Variants in SLC2A9 observed in about 807,000 individuals in gnomAD.
SLC2A9 encodes solute carrier family 2 member 9, also known as solute carrier family 2, facilitated glucose transporter member 9.
SLC2A9 carries 39 observed loss-of-function variants against 50.6 expected under a neutral mutation model. The ratio of observed to expected loss-of-function variants is 0.77; its 90% confidence interval spans 0.60 to 1.01. The LOEUF (loss-of-function observed/expected upper bound fraction) is 1.01, where lower values mean the gene tolerates loss of function less well. SLC2A9 is among the 50% of genes least tolerant of loss of function. SLC2A9 has a pLI of 0.00. For synonymous variants in SLC2A9, 324 were observed against 276.9 expected, an observed-to-expected ratio of 1.17 and a Z score of -1.69; for missense variants, 686 against 677.6, an observed-to-expected ratio of 1.01 and a Z score of -0.14.
intron 3 of SLC2A9, among the ~76,000 whole-genome samples, chr4:9,988,788 TGAG>T (rs1233531303): frequency 6.6e-6 from 1 of 152,098 alleles, no homozygotes; most frequent in Admixed American, 6.5e-5. Context: ...GGTAGGGTGA[TGAG>T]GAGATTGGAG....
intron 3 of SLC2A9, among the ~76,000 whole-genome samples, chr4:9,806,670 G>A (rs1722157227): frequency 6.6e-6 from 1 of 152,208 alleles, no homozygotes; most frequent in Non-Finnish European, 1.5e-5. Context: ...AAGGCTGTGT[G>A]CATGGGGGGT....
chr4:9,942,145 C>G, intron 5 of SLC2A9, 100 bp from the exon 6 acceptor site: 1 of 1,425,860 alleles, frequency 7.0e-7, no homozygotes, highest in Non-Finnish European at 9.8e-7. Context: ...AGAAGGTCTT[C>G]CTGCCCAGCA....
chr4:9,944,713 C>T (rs71603976), intron 5 of SLC2A9, among the ~76,000 whole-genome samples: 2,189 of 152,312 alleles, frequency 0.014, 37 homozygotes, highest in Non-Finnish European at 0.022. Flanking sequence ...TCCAGAGGGA[C>T]TGAGCTTAGC....
intron 10 of SLC2A9, among the ~76,000 whole-genome samples, chr4:9,863,287 C>T (rs921131145): frequency 6.6e-6 from 1 of 152,014 alleles, no homozygotes; most frequent in African/African-American, 2.4e-5. Context: ...GCTGGGACTA[C>T]AGGCATGTGC....
chr4:10,007,089 C>T (rs1012967241), intron 2 of SLC2A9, among the ~76,000 whole-genome samples: 1 of 152,192 alleles, frequency 6.6e-6, no homozygotes, highest in Admixed American at 6.5e-5. Flanking sequence ...GCATTGTGTT[C>T]CACCACTGTG....
intron 10 of SLC2A9, among the ~76,000 whole-genome samples, chr4:9,850,639 G>C (rs1729731353): frequency 6.6e-6 from 1 of 151,970 alleles, no homozygotes; most frequent in African/African-American, 2.4e-5. Flanking sequence ...GCTCCCACTG[G>C]TGTGCACCAG....
intron 5 of SLC2A9, among the ~76,000 whole-genome samples, chr4:9,945,355 C>G (rs780626802): frequency 6.6e-6 from 1 of 152,184 alleles, no homozygotes; most frequent in Non-Finnish European, 1.5e-5. Flanking sequence ...GAATGGATGT[C>G]GGGAGTGCTG....
At chr4:9,875,942 A>G (rs1309554518) in intron 10 of SLC2A9, among the ~76,000 whole-genome samples, 1 of 152,220 alleles carries the variant, frequency 6.6e-6, no homozygotes, top group Non-Finnish European at 1.5e-5. Context: ...AAACAAAGCC[A>G]TAGGCAAGAG....
At chr4:10,035,241 G>A (rs773103402) in intron 1 of SLC2A9, 3 of 152,172 alleles carry the variant, frequency 2.0e-5, no homozygotes, top group Non-Finnish European at 2.9e-5. Flanking sequence ...AAAATCCCTG[G>A]TCTTTGTACC....
chr4:9,963,226 G>C lies in SLC2A9; in HGVS notation c.681+17366C>G, dbSNP rs116459563. Among the ~76,000 whole-genome samples the C allele has an allele frequency of 9.5e-3, 1,440 of 152,292 alleles. 27 individuals are homozygous for C. The highest frequency in any genetic ancestry group is 0.033 in the African/African-American group (1,385 of 41,544). The stretch of plus-strand genomic sequence containing the variant: ...TCATGAGGCTTATTCACTACCATGA[G>C]AACAGTATAGGGGAAAGCACCACCA... On this transcript the variant is annotated intron_variant, in intron 5 of 11. Coordinates refer to ENST00000264784, the MANE Select transcript of SLC2A9 (RefSeq NM_020041.3).
chr4:9,872,668 TTC>T (rs1357333310), intron 10 of SLC2A9, among the ~76,000 whole-genome samples: 1 of 152,242 alleles, frequency 6.6e-6, no homozygotes, highest in Admixed American at 6.5e-5. Flanking sequence ...TGGCTGAGGC[TTC>T]TCTCTGTTTA....
chr4:9,920,268 T>C (rs1743669915), intron 7 of SLC2A9, 117 bp downstream of exon 7: 3 of 1,072,722 alleles, frequency 2.8e-6, no homozygotes, highest in Admixed American at 4.1e-5. Flanking sequence ...AGCATAGAGT[T>C]TGTGGCAATG....
At chr4:9,818,693 G>C (rs968443541) in intron 3 of SLC2A9, among the ~76,000 whole-genome samples, 1 of 152,242 alleles carries the variant, frequency 6.6e-6, no homozygotes, top group Admixed American at 6.5e-5. Flanking sequence ...TTTGGTCAAG[G>C]AGGAAGTCCC....
chr4:9,875,169 A>T (rs1850741), intron 10 of SLC2A9, among the ~76,000 whole-genome samples: 25,606 of 82,040 alleles, frequency 0.31, 6,292 homozygotes, highest in Non-Finnish European at 0.48. Flanking sequence ...TGTCTTTAGA[A>T]ATGGCCATAG....
intron 5 of SLC2A9, among the ~76,000 whole-genome samples, chr4:9,955,376 T>C (rs1399766426): frequency 9.8e-6 from 1 of 101,954 alleles, no homozygotes; most frequent in African/African-American, 5.3e-5. Flanking sequence ...GCGCCTGTAG[T>C]CCCAGCTACT....
Position 9,920,673 on chromosome 4 carries a change from C to T in SLC2A9, c.815-101G>A, listed in dbSNP as rs937869285. 17 of 1,406,638 alleles carry T rather than the reference C, an allele frequency of 1.2e-5. No homozygotes were observed. The African/African-American group carries it at 1.7e-4, about 14-fold the overall frequency. The allele number at this position is 1,406,638 out of a possible 1,614,324, so 87.1% of individuals were successfully genotyped here. A position where few individuals can be genotyped will look rare whatever the true frequency, so the allele number is the denominator to read the frequency against. On this transcript the variant is annotated intron_variant, in intron 6 of 11. Transcript: ENST00000264784. ...ACGGGTCCCACCTCCTAGCCACACA[C>T]CTTAGCTGGGGGCGGAACTTGGCAG... is the stretch of plus-strand genomic sequence containing the variant.
At chr4:9,924,312 G>A (rs1264490577) in intron 6 of SLC2A9, among the ~76,000 whole-genome samples, 7 of 152,138 alleles carry the variant, frequency 4.6e-5, no homozygotes, top group Non-Finnish European at 7.4e-5. Context: ...GTGCCTCTCC[G>A]CCTGCGGCTT....
intron 2 of SLC2A9, among the ~76,000 whole-genome samples, chr4:9,998,761 G>A (rs775469487): frequency 6.6e-5 from 10 of 152,140 alleles, no homozygotes; most frequent in Non-Finnish European, 1.5e-4. Context: ...GCCCATGGTC[G>A]ATAGCAGGAA....
chr4:9,919,477 C>T (rs1268652952), intron 7 of SLC2A9, among the ~76,000 whole-genome samples: 2 of 152,118 alleles, frequency 1.3e-5, no homozygotes, highest in Non-Finnish European at 2.9e-5. Context: ...ATCACCTTCC[C>T]TAGACACCCC....
Sources: gnomAD v4.1 joint callset for allele counts (sites outside exome capture counted in the v4.1 genomes callset) on GRCh38, gnomAD v4.1.1 for gene constraint, MANE v1.5 for transcripts, NCBI Gene and HGNC (gene_info 2026-07-23, HGNC 2026-07-21) for gene names.